The following PIAS1 variants were observed in gnomAD, a reference collection of about 807,000 sequenced individuals.
PIAS1 encodes the protein protein inhibitor of activated STAT 1, also known as E3 SUMO-protein ligase PIAS1.
Under a neutral mutation model 71.3 loss-of-function variants are expected in PIAS1, and 6 were observed. That is an observed-to-expected ratio of 0.08 (90% CI 0.05 to 0.17). The LOEUF (loss-of-function observed/expected upper bound fraction) is 0.17. Ranked by LOEUF, PIAS1 falls within the 10% of genes least tolerant of loss-of-function variation. PIAS1 has a pLI of 1.00. For synonymous variants in PIAS1, 303 were observed against 292.9 expected (o/e 1.03, Z -0.35); for missense variants, 555 against 793.6 (o/e 0.70, Z 3.61).
At chr15:68,104,380 G>T (rs1478818401) in intron 2 of PIAS1, among the ~76,000 whole-genome samples, 1 of 151,882 alleles carries the variant, frequency 6.6e-6, no homozygotes, top group East Asian at 1.9e-4. Flanking sequence ...ATTTCTGTAG[G>T]TAGTTACTAT....
chr15:68,128,290 C>T (rs1276873458), intron 2 of PIAS1, among the ~76,000 whole-genome samples: 1 of 152,198 alleles, frequency 6.6e-6, no homozygotes. Context: ...CCTCAGCCTC[C>T]TGAGTAACTT....
chr15:68,106,880 G>C (rs1426872064), intron 2 of PIAS1, among the ~76,000 whole-genome samples: 3 of 152,166 alleles, frequency 2.0e-5, no homozygotes, highest in African/African-American at 7.2e-5. Flanking sequence ...CATTGTGTTG[G>C]ATCGCTGTTT....
intron 4 of PIAS1, among the ~76,000 whole-genome samples, chr15:68,145,122 A>G (rs2141051427): frequency 6.6e-6 from 1 of 152,290 alleles, no homozygotes; most frequent in South Asian, 2.1e-4. Flanking sequence ...GAATTTATGA[A>G]TTATGTATCT....
chr15:68,119,703 A>G (rs966657999), intron 2 of PIAS1, among the ~76,000 whole-genome samples: 3 of 152,164 alleles, frequency 2.0e-5, no homozygotes, highest in Non-Finnish European at 4.4e-5. Context: ...AATATTGTTC[A>G]AAGTCTTCTG....
At chr15:68,090,982 AAGGAG>A (rs2092328305) in intron 2 of PIAS1, among the ~76,000 whole-genome samples, 1 of 135,432 alleles carries the variant, frequency 7.4e-6, no homozygotes, top group African/African-American at 2.7e-5. Flanking sequence ...TTTCATTTTG[AAGGAG>A]AGGAGAACCT....
At position 68,185,688 on chromosome 15, in the gene PIAS1, G is replaced by T. The variant is rs1004263743; in HGVS notation, c.1663-1854G>T. Among the ~76,000 whole-genome samples, 1 of 152,208 alleles carries T rather than the reference G, an allele frequency of 6.6e-6. No individual in the cohort carries two copies. Among genetic ancestry groups the T allele is most frequent in the African/African-American group, 2.4e-5 (1 of 41,446 alleles). The stretch of plus-strand genomic sequence containing the variant: ...ATTTAAAAACATGGGCCCTGGCTGG[G>T]CGCTGTGGCTTACACCTATAATCCC... On this transcript the variant is annotated intron_variant, in intron 13 of 13. Transcript: ENST00000249636. The surrounding 1 kb of genome is among the most constrained non-coding windows in gnomAD (Gnocchi z 4.4).
At position 68,164,766 on chromosome 15, in the gene PIAS1, A is replaced by G. The variant is rs1301048221; in HGVS notation, c.970A>G (p.Ile324Val). 7 of 1,600,076 alleles carry G rather than the reference A, an allele frequency of 4.4e-6. No individual in the cohort carries two copies. The highest frequency in any genetic ancestry group is 1.3e-5 in the African/African-American group (1 of 74,744). The change falls in exon 8 of 14, where the codon ATA becomes GTA. Residue 324 changes from isoleucine (I) to valine (V), a missense_variant. Around this residue, in one of 5 missense-constraint regions of PIAS1, gnomAD observed 49 missense variants for 129.2 expected, o/e 0.38. Coordinates refer to ENST00000249636, the MANE Select transcript of PIAS1 (RefSeq NM_016166.3). Reference protein sequence around the residue: ...EKLTADPDSEIATTSLRVSLL... With the variant: ...EKLTADPDSEVATTSLRVSLL... ...GTTGACTGCGGATCCAGACAGTGAA[A>G]TAGCTACAACCAGCCTAAGGGTTTC...
At chr15:68,088,188 A>ATATATATATATATG (rs1555424838) in intron 2 of PIAS1, among the ~76,000 whole-genome samples, 1 of 141,180 alleles carries the variant, frequency 7.1e-6, no homozygotes, top group Non-Finnish European at 1.5e-5. Context: ...ATATATATAT[A>ATATATATATATATG]TATATATATA....
rs553167393 is a variant in PIAS1, at chr15:68,178,789, CTATA to C, written c.1481+2139_1481+2142del. On this transcript the variant is annotated intron_variant, in intron 11 of 13. Coordinates refer to ENST00000249636, the MANE Select transcript of PIAS1 (RefSeq NM_016166.3). The surrounding 1 kb of genome is among the most constrained non-coding windows in gnomAD (Gnocchi z 4.2). ...GTAAACTATGCAATAGTATTACTGA[CTATA>C]TATTTTTTCTTTAAAGAAAACATTT... Among the ~76,000 whole-genome samples, 602 of 151,916 alleles carry C rather than the reference CTATA, an allele frequency of 4.0e-3. 10 individuals are homozygous for C. Among genetic ancestry groups the C allele is most frequent in the African/African-American group, 0.014 (579 of 41,402 alleles).
chr15:68,110,229 AC>A (rs1164460182), intron 2 of PIAS1, among the ~76,000 whole-genome samples: 2 of 152,228 alleles, frequency 1.3e-5, no homozygotes, highest in Admixed American at 1.3e-4. Flanking sequence ...TTTCAAATGT[AC>A]AGGACCTATT....
chr15:68,105,243 TCTAA>T (rs2092458820), intron 2 of PIAS1, among the ~76,000 whole-genome samples: 1 of 152,224 alleles, frequency 6.6e-6, no homozygotes, highest in Admixed American at 6.5e-5. Flanking sequence ...ATCTTAATAC[TCTAA>T]CTTATATTTT....
chr15:68,126,700 C>T (rs2092652923), intron 2 of PIAS1, among the ~76,000 whole-genome samples: 1 of 152,190 alleles, frequency 6.6e-6, no homozygotes, highest in Non-Finnish European at 1.5e-5. Context: ...GCTGTAATTA[C>T]AGGCATGAGC....
intron 1 of PIAS1, among the ~76,000 whole-genome samples, chr15:68,085,403 T>C (rs2092270659): frequency 6.6e-6 from 1 of 152,202 alleles, no homozygotes; most frequent in South Asian, 2.1e-4. Context: ...GGGGACTAAA[T>C]AAGTTTGCGA....
At chr15:68,148,576 C>G (rs1218045486) in intron 6 of PIAS1, among the ~76,000 whole-genome samples, 1 of 151,940 alleles carries the variant, frequency 6.6e-6, no homozygotes, top group Non-Finnish European at 1.5e-5. Context: ...TTACAGGCAC[C>G]TGCCACTGCA....
At chr15:68,100,972 T>C (rs1034751341) in intron 2 of PIAS1, among the ~76,000 whole-genome samples, 2 of 151,794 alleles carry the variant, frequency 1.3e-5, no homozygotes, top group African/African-American at 4.8e-5. Flanking sequence ...CATGGTTCCC[T>C]GCAGCCTCAA....
In PIAS1 at chr15:68,086,558, A is replaced by T; in HGVS notation, c.277A>T (p.Thr93Ser). 6.2e-7 allele frequency: 1 copy of T among 1,613,768 alleles called. No individual in the cohort carries two copies. Residue 93 changes from threonine to serine, a missense_variant, in exon 2 of 14, where the codon ACC (threonine) becomes TCC (serine). Thr to Ser is a moderately conservative substitution (Grantham distance 58, BLOSUM62 1). Around this residue, in one of 5 missense-constraint regions of PIAS1, gnomAD observed 80 missense variants for 66.9 expected, o/e 1.20. Coordinates refer to ENST00000249636, the MANE Select transcript of PIAS1 (RefSeq NM_016166.3). This position sits in a 1 kb window ranked among gnomAD's most constrained non-coding sequence, Gnocchi z 7.2. ...TATGCCAGCAACTTTGTCTCCATCT[A>T]CCATTCCACAACTCACTTACGATGG... Reference protein sequence around the residue: ...SPMPATLSPSTIPQLTYDGHP... With the variant: ...SPMPATLSPSSIPQLTYDGHP...
At chr15:68,157,297 C>CT (rs1289567783) in intron 7 of PIAS1, among the ~76,000 whole-genome samples, 1 of 152,162 alleles carries the variant, frequency 6.6e-6, no homozygotes, top group Non-Finnish European at 1.5e-5. Context: ...CAGTTCCTCT[C>CT]TGTCTGCAGG....
chr15:68,084,649 TCTTA>T (rs1412886901), intron 1 of PIAS1, among the ~76,000 whole-genome samples: 3 of 152,190 alleles, frequency 2.0e-5, no homozygotes, highest in Admixed American at 6.5e-5. Flanking sequence ...TGGTGTCCTT[TCTTA>T]CTTGTTTATT....
chr15:68,181,426 GTGAA>G, intron 12 of PIAS1, 72 bp downstream of exon 12: 1 of 1,449,902 alleles, frequency 6.9e-7, no homozygotes, highest in South Asian at 1.2e-5. Flanking sequence ...TCTCTTCTAG[GTGAA>G]TCTAAGGAAG....
Sources: allele counts gnomAD v4.1 joint callset (sites outside exome capture counted in the v4.1 genomes callset), GRCh38; gene constraint gnomAD v4.1.1; regional missense constraint gnomAD v4.1.1; non-coding constraint Gnocchi (gnomAD v3.1); transcripts MANE v1.5; gene names NCBI Gene and HGNC (gene_info 2026-07-23, HGNC 2026-07-21).